The following ZCCHC17 variants were observed in gnomAD, a reference collection of about 807,000 sequenced individuals.
ZCCHC17 encodes zinc finger CCHC domain-containing protein 17.
In ZCCHC17, 18 loss-of-function variants were observed where a neutral mutation model predicts 30.6. The ratio of observed to expected loss-of-function variants is 0.59; its 90% CI spans 0.41 to 0.87. ZCCHC17 has a LOEUF of 0.87. Among genes scored for constraint, ZCCHC17 ranks in the 40% least tolerant of loss-of-function variants. The pLI, the probability that ZCCHC17 is intolerant of heterozygous loss-of-function variation, is 0.00. For synonymous variants in ZCCHC17, 88 were observed against 92.4 expected (o/e 0.95, Z 0.27); for missense variants, 263 against 284.2 (o/e 0.93, Z 0.54).
chr1:31,319,502 T>C (rs1189664781), intron 3 of ZCCHC17, among the ~76,000 whole-genome samples: 3 of 152,130 alleles, frequency 2.0e-5, no homozygotes, highest in Non-Finnish European at 4.4e-5. Flanking sequence ...AGGCTGACAG[T>C]GTGAGTTTTC....
chr1:31,319,522 G>A (rs1474763353), intron 3 of ZCCHC17, among the ~76,000 whole-genome samples: 1 of 152,180 alleles, frequency 6.6e-6, no homozygotes, highest in East Asian at 1.9e-4. Flanking sequence ...CTAGTAGATA[G>A]CGCATGAAAT....
At chr1:31,343,350 A>T (rs34960310) in intron 5 of ZCCHC17, among the ~76,000 whole-genome samples, 5 of 152,028 alleles carry the variant, frequency 3.3e-5, no homozygotes, top group Non-Finnish European at 5.9e-5. Flanking sequence ...GTGAGCCATC[A>T]CACCCAGCCC....
At chr1:31,303,882 C>T (rs1646380082) in intron 1 of ZCCHC17, among the ~76,000 whole-genome samples, 1 of 152,204 alleles carries the variant, frequency 6.6e-6, no homozygotes, top group Non-Finnish European at 1.5e-5. Flanking sequence ...CGAGCTCTGA[C>T]TACCCATTCT....
chr1:31,337,698 CACCATGCAATGTGCAGAAAGTGA>C (rs1417334214), intron 4 of ZCCHC17, among the ~76,000 whole-genome samples: 2 of 152,120 alleles, frequency 1.3e-5, no homozygotes, highest in Non-Finnish European at 2.9e-5. Context: ...TAATATCTGG[CACCATGCAATGTGCAGAAAGTGA>C]AAAAAATCTG....
intron 3 of ZCCHC17, among the ~76,000 whole-genome samples, chr1:31,333,799 G>A (rs967794166): frequency 4.6e-5 from 7 of 152,294 alleles, no homozygotes; most frequent in African/African-American, 1.7e-4. Context: ...TTATTTCTAT[G>A]TGGTACTCCA....
chr1:31,339,146 A>G, intron 5 of ZCCHC17, 98 bp downstream of exon 5: 1 of 842,044 alleles, frequency 1.2e-6, no homozygotes, highest in Non-Finnish European at 1.9e-6. Context: ...CCATTTATGG[A>G]CTTTGTGATA....
At chr1:31,308,381 C>G (rs1021128861) in intron 1 of ZCCHC17, among the ~76,000 whole-genome samples, 11 of 152,278 alleles carry the variant, frequency 7.2e-5, no homozygotes, top group African/African-American at 2.6e-4. Flanking sequence ...GATTTTCTTT[C>G]ATTTCTGTTT....
chr1:31,340,324 T>TTTTG (rs1161186685), intron 5 of ZCCHC17, among the ~76,000 whole-genome samples: 2 of 147,360 alleles, frequency 1.4e-5, no homozygotes, highest in South Asian at 4.3e-4. Flanking sequence ...GGTTTTTTTT[T>TTTTG]TTTTTTTTTT....
chr1:31,359,394 G>T (rs976099319), intron 7 of ZCCHC17, among the ~76,000 whole-genome samples: 1 of 151,980 alleles, frequency 6.6e-6, no homozygotes, highest in South Asian at 2.1e-4. Context: ...GGTGGCATGC[G>T]CCTGTAGTCC....
intron 3 of ZCCHC17, among the ~76,000 whole-genome samples, chr1:31,322,614 TGGAG>T (rs1646886261): frequency 6.6e-6 from 1 of 152,184 alleles, no homozygotes; most frequent in South Asian, 2.1e-4. Flanking sequence ...GGGGTTTATA[TGGAG>T]GATCTGTTAT....
chr1:31,364,360 T>G lies in ZCCHC17; in HGVS notation c.*167T>G. ...AACAGGCAGGTTTGGGAGTTAGAGGTCAAAAGCAGCTGCCTGAATGAGTTG... is the reference window on the plus strand; with the variant it reads ...AACAGGCAGGTTTGGGAGTTAGAGGGCAAAAGCAGCTGCCTGAATGAGTTG... On this transcript the variant is annotated 3_prime_UTR_variant, in exon 8 of 8. Coordinates refer to ENST00000344147, the MANE Select transcript of ZCCHC17 (RefSeq NM_016505.4). 8.0e-7 allele frequency: 1 copy of G among 1,256,672 alleles called. No individual in the cohort carries two copies. The highest frequency in any genetic ancestry group is 1.1e-6 in the Non-Finnish European group (1 of 933,202). The allele number at this position is 1,256,672 out of a possible 1,614,324, so 77.8% of individuals were successfully genotyped here. A position where few individuals can be genotyped will look rare whatever the true frequency, so the allele number is the denominator to read the frequency against.
chr1:31,309,397 C>T (rs1426167193), intron 1 of ZCCHC17, among the ~76,000 whole-genome samples: 8 of 152,146 alleles, frequency 5.3e-5, no homozygotes, highest in Non-Finnish European at 1.2e-4. Context: ...TCACTGCAGC[C>T]TCTGCCTCCC....
At chr1:31,321,548 C>T (rs1323225759) in intron 3 of ZCCHC17, among the ~76,000 whole-genome samples, 1 of 152,180 alleles carries the variant, frequency 6.6e-6, no homozygotes, top group Non-Finnish European at 1.5e-5. Context: ...AATCTTGGCT[C>T]ACTGCAACCT....
At chr1:31,304,887 G>C (rs1183630717) in intron 1 of ZCCHC17, among the ~76,000 whole-genome samples, 1 of 152,164 alleles carries the variant, frequency 6.6e-6, no homozygotes, top group Non-Finnish European at 1.5e-5. Context: ...GAGCCACCAC[G>C]CACGGCTGTA....
intron 1 of ZCCHC17, among the ~76,000 whole-genome samples, chr1:31,307,700 A>G (rs1646499005): frequency 6.6e-6 from 1 of 151,228 alleles, no homozygotes; most frequent in East Asian, 1.9e-4. Context: ...TCAGCCTCCC[A>G]AGTAGTTGGG....
At chr1:31,351,614 C>T (rs1232375368) in intron 7 of ZCCHC17, among the ~76,000 whole-genome samples, 3 of 152,010 alleles carry the variant, frequency 2.0e-5, no homozygotes, top group East Asian at 1.9e-4. Context: ...TGGTGGGGCA[C>T]GGACTGTGGT....
At chr1:31,297,931 G>C (rs967904094) in intron 1 of ZCCHC17, among the ~76,000 whole-genome samples, 6 of 152,226 alleles carry the variant, frequency 3.9e-5, no homozygotes, top group African/African-American at 1.4e-4. Flanking sequence ...ACAAGATGAA[G>C]CTGTACGTGA....
intron 7 of ZCCHC17, among the ~76,000 whole-genome samples, chr1:31,352,853 G>A (rs1323316985): frequency 6.6e-6 from 1 of 152,180 alleles, no homozygotes; most frequent in African/African-American, 2.4e-5. Flanking sequence ...GAACATGGAT[G>A]TATAAATATC....
chr1:31,354,372 A>G (rs941160736), intron 7 of ZCCHC17, among the ~76,000 whole-genome samples: 6 of 152,110 alleles, frequency 3.9e-5, no homozygotes, highest in Middle Eastern at 3.4e-3. Flanking sequence ...AGATCATGCC[A>G]TCTGTAAACA....
Sources: allele counts gnomAD v4.1 joint callset (sites outside exome capture counted in the v4.1 genomes callset), GRCh38; gene constraint gnomAD v4.1.1; transcripts MANE v1.5; gene names NCBI Gene and HGNC (gene_info 2026-07-23, HGNC 2026-07-21).